RERG: variants seen among roughly 807,000 people sequenced by gnomAD.
The protein encoded by RERG is RAS like estrogen regulated growth inhibitor.
In RERG, 25 loss-of-function variants were observed where a neutral mutation model predicts 23.2. That is an observed-to-expected ratio of 1.08 (90% CI 0.79 to 1.50). The LOEUF is 1.50. RERG is among the 40% of genes most tolerant of loss of function. RERG has a pLI of 0.00. For missense variants in RERG, 253 were observed against 250.1 expected (o/e 1.01, Z -0.08); for synonymous variants, 81 against 89.1 (o/e 0.91, Z 0.51).
chr12:15,130,076 G>A (rs1864018639), intron 2 of RERG, among the ~76,000 whole-genome samples: 1 of 152,182 alleles, frequency 6.6e-6, no homozygotes, highest in South Asian at 2.1e-4. Context: ...AAAACATAAT[G>A]TAGAGAATTG....
intron 2 of RERG, among the ~76,000 whole-genome samples, chr12:15,187,563 C>CT (rs35277857): frequency 0.25 from 37,089 of 146,348 alleles, 4,824 homozygotes; most frequent in Admixed American, 0.37. Flanking sequence ...CTCTGAGAAC[C>CT]TTTTTTTTTT....
intron 2 of RERG, among the ~76,000 whole-genome samples, chr12:15,160,426 A>G (rs990973706): frequency 2.0e-5 from 3 of 152,120 alleles, no homozygotes; most frequent in Non-Finnish European, 4.4e-5. Flanking sequence ...GCTTTTCAAA[A>G]CTTTTGTTAA....
intron 2 of RERG, among the ~76,000 whole-genome samples, chr12:15,173,571 T>A (rs1864805488): frequency 6.6e-6 from 1 of 152,026 alleles, no homozygotes; most frequent in Non-Finnish European, 1.5e-5. Flanking sequence ...AATACTCCCA[T>A]CTTGTCATCT....
chr12:15,126,714 C>CTCTTTCTTTTT (rs1565510864), intron 2 of RERG, among the ~76,000 whole-genome samples: 1 of 85,714 alleles, frequency 1.2e-5, no homozygotes, highest in Non-Finnish European at 2.6e-5. Context: ...ATTTCTTTTT[C>CTCTTTCTTTTT]TTTTTCTTTC....
intron 3 of RERG, among the ~76,000 whole-genome samples, chr12:15,115,076 T>C (rs1354049671): frequency 6.6e-6 from 1 of 151,938 alleles, no homozygotes; most frequent in Non-Finnish European, 1.5e-5. Flanking sequence ...AAATACCAGA[T>C]TTGGTTATAA....
chr12:15,134,047 C>T (rs1187427604), intron 2 of RERG, among the ~76,000 whole-genome samples: 2 of 151,894 alleles, frequency 1.3e-5, no homozygotes, highest in Non-Finnish European at 2.9e-5. Context: ...CAGTCTGTGG[C>T]TTGTCTTATG....
intron 2 of RERG, among the ~76,000 whole-genome samples, chr12:15,216,321 A>G (rs912549925): frequency 6.6e-6 from 1 of 152,244 alleles, no homozygotes; most frequent in Non-Finnish European, 1.5e-5. Context: ...AGAGCAAACC[A>G]AACAGAAGAA....
chr12:15,143,628 G>A (rs888090690), intron 2 of RERG, among the ~76,000 whole-genome samples: 1 of 152,142 alleles, frequency 6.6e-6, no homozygotes, highest in African/African-American at 2.4e-5. Context: ...GCAGGCTCCT[G>A]TAGGTCCTAG....
intron 2 of RERG, among the ~76,000 whole-genome samples, chr12:15,184,392 A>C (rs1864962984): frequency 6.6e-6 from 1 of 152,060 alleles, no homozygotes; most frequent in African/African-American, 2.4e-5. Context: ...GCTCAAGTGG[A>C]TGTATTCTGC....
intron 2 of RERG, among the ~76,000 whole-genome samples, chr12:15,126,149 A>ATATATATATATATATC (rs1863936504): frequency 7.1e-6 from 1 of 141,828 alleles, no homozygotes; most frequent in Non-Finnish European, 1.5e-5. Context: ...ATATATATAT[A>ATATATATATATATATC]TATGTATTTA....
At chr12:15,117,929 G>GTT (rs1863759451) in intron 3 of RERG, among the ~76,000 whole-genome samples, 1 of 152,042 alleles carries the variant, frequency 6.6e-6, no homozygotes, top group Non-Finnish European at 1.5e-5. Context: ...TTCAGTGGTG[G>GTT]TTTTCAAATG....
At chr12:15,133,918 T>G (rs546717833) in intron 2 of RERG, among the ~76,000 whole-genome samples, 1 of 152,258 alleles carries the variant, frequency 6.6e-6, no homozygotes, top group Non-Finnish European at 1.5e-5. Context: ...TGAGGTGTCT[T>G]TTCAGATGTT....
chr12:15,165,093 G>C (rs573359694), intron 2 of RERG, among the ~76,000 whole-genome samples: 35 of 152,258 alleles, frequency 2.3e-4, no homozygotes, highest in African/African-American at 7.2e-4. Context: ...CTGAGGACAC[G>C]ATCAGATTCT....
chr12:15,111,477 T>C (rs758983755), intron 3 of RERG, 60 bp from the exon 4 acceptor site: 486 of 1,351,936 alleles, frequency 3.6e-4, no homozygotes, highest in Non-Finnish European at 4.8e-4. Flanking sequence ...TTTAATTTGA[T>C]CCTTAAAACT....
chr12:15,201,704 T>C (rs1292446574), intron 2 of RERG, among the ~76,000 whole-genome samples: 1 of 150,406 alleles, frequency 6.6e-6, no homozygotes, highest in African/African-American at 2.4e-5. Flanking sequence ...CTAATATTAA[T>C]TATTAGTAAT....
chr12:15,181,666 T>C (rs190054533), intron 2 of RERG, among the ~76,000 whole-genome samples: 94 of 152,382 alleles, frequency 6.2e-4, no homozygotes, highest in African/African-American at 2.2e-3. Flanking sequence ...CTGGACATCA[T>C]AGGAGTTCAA....
chr12:15,123,033 G>A (rs1487718623), intron 2 of RERG, among the ~76,000 whole-genome samples: 8 of 151,934 alleles, frequency 5.3e-5, no homozygotes, highest in African/African-American at 1.7e-4. Context: ...TCCTGACCTC[G>A]TGATCTGCCC....
rs367949980 is a variant in RERG at position 15,137,402 on chromosome 12, T to G, written c.62-16283A>C. On this transcript the variant is annotated intron_variant, in intron 2 of 4. Transcript: ENST00000256953. Reference sequence around the variant, plus strand: ...TACTGATATATGAAATTAATATCTATCATATTTGTTATGTTTTCTATTCAT... The same window carrying G: ...TACTGATATATGAAATTAATATCTAGCATATTTGTTATGTTTTCTATTCAT... Among the ~76,000 whole-genome samples the G allele has an allele frequency of 1.5e-3, 234 of 151,988 alleles. 6 individuals are homozygous for G. The South Asian group carries it at 0.047, about 30-fold the overall frequency.
chr12:15,182,501 GA>G (rs1245601605), intron 2 of RERG, among the ~76,000 whole-genome samples: 1 of 152,026 alleles, frequency 6.6e-6, no homozygotes, highest in Admixed American at 6.6e-5. Flanking sequence ...AAAAATAATC[GA>G]ATATTGACTC....
Sources: gnomAD v4.1 joint callset for allele counts (sites outside exome capture counted in the v4.1 genomes callset) on GRCh38, gnomAD v4.1.1 for gene constraint, MANE v1.5 for transcripts, NCBI Gene and HGNC (gene_info 2026-07-23, HGNC 2026-07-21) for gene names.